PTPRO: variants seen among roughly 807,000 people sequenced by gnomAD.
The protein encoded by PTPRO is protein tyrosine phosphatase receptor type O, also known as receptor-type tyrosine-protein phosphatase O.
A neutral mutation model predicts 145.2 loss-of-function variants in PTPRO; 62 were observed. That is an observed-to-expected ratio of 0.43 (90% CI 0.35 to 0.53). The LOEUF is 0.53. Among genes scored for constraint, PTPRO ranks in the 20% least tolerant of loss-of-function variants. The pLI, the probability that PTPRO is intolerant of heterozygous loss-of-function variation, is 0.01. For synonymous variants in PTPRO, 565 were observed against 514.7 expected, an observed-to-expected ratio of 1.10 and a Z score of -1.32; for missense variants, 1,345 against 1,482.7, an observed-to-expected ratio of 0.91 and a Z score of 1.53.
chr12:15,390,347 AT>A (rs1259499154), intron 1 of PTPRO, among the ~76,000 whole-genome samples: 1 of 152,196 alleles, frequency 6.6e-6, no homozygotes, highest in Non-Finnish European at 1.5e-5. Flanking sequence ...TAAACTCACA[AT>A]TCTGTGTGGC....
intron 12 of PTPRO, among the ~76,000 whole-genome samples, chr12:15,535,377 G>A (rs1466819819): frequency 6.6e-6 from 1 of 152,148 alleles, no homozygotes; most frequent in Non-Finnish European, 1.5e-5. Flanking sequence ...TTAGCAGGAA[G>A]CATCAGAAAG....
intron 1 of PTPRO, chr12:15,440,027 T>C (rs1256012845): frequency 4.5e-6 from 3 of 665,052 alleles, no homozygotes; most frequent in Non-Finnish European, 2.7e-6. Flanking sequence ...GTGCAGAGGC[T>C]ACAGGGGTAA....
chr12:15,494,570 A>G (rs1942063250), intron 2 of PTPRO, among the ~76,000 whole-genome samples: 1 of 152,246 alleles, frequency 6.6e-6, no homozygotes, highest in Non-Finnish European at 1.5e-5. Flanking sequence ...AGACATCAAC[A>G]GGATTTACTG....
intron 1 of PTPRO, among the ~76,000 whole-genome samples, chr12:15,475,860 A>G (rs1376085044): frequency 6.6e-6 from 1 of 152,198 alleles, no homozygotes; most frequent in Non-Finnish European, 1.5e-5. Context: ...CGACTAGATG[A>G]GAATATCAAT....
intron 1 of PTPRO, among the ~76,000 whole-genome samples, chr12:15,399,502 G>A (rs1939430740): frequency 6.6e-6 from 1 of 152,198 alleles, no homozygotes; most frequent in Non-Finnish European, 1.5e-5. Context: ...GCTTCTCATA[G>A]ATCCAGACTT....
intron 1 of PTPRO, among the ~76,000 whole-genome samples, chr12:15,442,764 T>TA (rs1940804400): frequency 6.6e-6 from 1 of 151,512 alleles, no homozygotes; most frequent in African/African-American, 2.4e-5. Flanking sequence ...CACAAAAAAA[T>TA]ACCTGGAAGT....
At chr12:15,463,303 C>T (rs1255748535) in intron 1 of PTPRO, among the ~76,000 whole-genome samples, 1 of 152,110 alleles carries the variant, frequency 6.6e-6, no homozygotes, top group Admixed American at 6.5e-5. Flanking sequence ...ATATTTGAAT[C>T]TCTGTGGCAC....
At chr12:15,431,077 G>T (rs1304289890) in intron 1 of PTPRO, among the ~76,000 whole-genome samples, 3 of 152,196 alleles carry the variant, frequency 2.0e-5, no homozygotes, top group African/African-American at 7.2e-5. Context: ...GGACAGAATG[G>T]TTACCATTTG....
At chr12:15,438,827 T>C (rs1369903889) in intron 1 of PTPRO, among the ~76,000 whole-genome samples, 1 of 152,180 alleles carries the variant, frequency 6.6e-6, no homozygotes, top group African/African-American at 2.4e-5. Flanking sequence ...GCTAGGAAGA[T>C]AGATGTCCAG....
chr12:15,412,984 G>T lies in PTPRO; in HGVS notation c.76-70990G>T, dbSNP rs148241783. 6.8e-3 allele frequency among the ~76,000 whole-genome samples: 1,027 copies of T among 152,104 alleles called. 15 individuals are homozygous for T. The highest frequency in any genetic ancestry group is 0.024 in the African/African-American group (984 of 41,474). ...ATTTTTGTATTTTTAGTAGAGATGG[G>T]GTTTCCCCATGTTGGCCAGGCTGGT... On this transcript the variant is annotated intron_variant, in intron 1 of 26. Transcript: ENST00000281171.
At chr12:15,470,139 G>A (rs987982617) in intron 1 of PTPRO, among the ~76,000 whole-genome samples, 1 of 152,168 alleles carries the variant, frequency 6.6e-6, no homozygotes, top group Non-Finnish European at 1.5e-5. Context: ...GTCAGTCACA[G>A]TTTGTGCTGA....
At chr12:15,561,726 C>A (rs2135587819) in intron 17 of PTPRO, among the ~76,000 whole-genome samples, 1 of 152,262 alleles carries the variant, frequency 6.6e-6, no homozygotes, top group South Asian at 2.1e-4. Context: ...TAATCATCCT[C>A]AAATAGTGTG....
chr12:15,535,421 GAAAACAAAAC>G (rs112250290), intron 12 of PTPRO, among the ~76,000 whole-genome samples: 1 of 152,004 alleles, frequency 6.6e-6, no homozygotes, highest in African/African-American at 2.4e-5. Context: ...GGAGGTCAGA[GAAAACAAAAC>G]AAAACAAAAC....
At chr12:15,492,715 A>C (rs1014699356) in intron 2 of PTPRO, among the ~76,000 whole-genome samples, 2 of 152,206 alleles carry the variant, frequency 1.3e-5, no homozygotes, top group African/African-American at 4.8e-5. Flanking sequence ...GCTTCAGTAG[A>C]TAGGACAAAT....
At position 15,518,198 on chromosome 12, in the gene PTPRO, G is replaced by A. The variant is rs145317546; in HGVS notation, c.1779+1242G>A. 3.2e-4 allele frequency among the ~76,000 whole-genome samples: 48 copies of A among 152,030 alleles called. 1 individual carries two copies. The East Asian group carries it at 9.2e-3, about 29-fold the overall frequency. On this transcript the variant is annotated intron_variant, in intron 9 of 26. Transcript: ENST00000281171. The stretch of plus-strand genomic sequence containing the variant: ...CACGTGGAAGCTGCCAAGCCTTGGG[G>A]CTTGCACCCTCTGAAGCCACCAAGC...
intron 12 of PTPRO, among the ~76,000 whole-genome samples, chr12:15,530,414 T>G (rs1328364605): frequency 6.6e-6 from 1 of 152,180 alleles, no homozygotes; most frequent in Non-Finnish European, 1.5e-5. Context: ...ACCCAACTGC[T>G]ATGGAATACA....
intron 1 of PTPRO, among the ~76,000 whole-genome samples, chr12:15,482,733 C>T (rs185002394): frequency 1.3e-5 from 2 of 152,174 alleles, no homozygotes; most frequent in African/African-American, 4.8e-5. Context: ...GCCCATATAT[C>T]GTCAATTTAA....
At chr12:15,466,968 C>T (rs765275226) in intron 1 of PTPRO, among the ~76,000 whole-genome samples, 51 of 152,140 alleles carry the variant, frequency 3.4e-4, no homozygotes, top group Non-Finnish European at 5.4e-4. Context: ...GTGAGATTAA[C>T]GCTCATATCC....
At chr12:15,417,962 C>A (rs372151711) in intron 1 of PTPRO, among the ~76,000 whole-genome samples, 1 of 151,828 alleles carries the variant, frequency 6.6e-6, no homozygotes, top group East Asian at 1.9e-4. Flanking sequence ...GGCTACCCAT[C>A]TGCAAATTGT....
Sources: gnomAD v4.1 joint callset for allele counts (sites outside exome capture counted in the v4.1 genomes callset) on GRCh38, gnomAD v4.1.1 for gene constraint, MANE v1.5 for transcripts, NCBI Gene and HGNC (gene_info 2026-07-23, HGNC 2026-07-21) for gene names.